GUCY1A2: variants seen among roughly 807,000 people sequenced by gnomAD.
GUCY1A2 encodes the protein guanylate cyclase soluble subunit alpha-2.
A neutral mutation model predicts 63.5 loss-of-function variants in GUCY1A2; 27 were observed. The ratio of observed to expected loss-of-function variants is 0.43; its 90% CI spans 0.31 to 0.59. The LOEUF (loss-of-function observed/expected upper bound fraction) is 0.59. GUCY1A2 is among the 20% of genes least tolerant of loss of function. The pLI is 0.11. For missense variants in GUCY1A2, 768 were observed against 913.3 expected (o/e 0.84, Z 2.05); for synonymous variants, 364 against 343.5 (o/e 1.06, Z -0.66).
intron 2 of GUCY1A2, among the ~76,000 whole-genome samples, chr11:106,981,186 T>C (rs1452635564): frequency 1.3e-5 from 2 of 152,180 alleles, no homozygotes; most frequent in African/African-American, 4.8e-5. Flanking sequence ...CAAAATCTGA[T>C]CATGAAAGCT....
intron 2 of GUCY1A2, among the ~76,000 whole-genome samples, chr11:106,983,243 T>C (rs903510201): frequency 2.0e-5 from 3 of 152,196 alleles, no homozygotes; most frequent in Admixed American, 6.5e-5. Context: ...ATTTATCACA[T>C]TGCATGAATA....
intron 6 of GUCY1A2, among the ~76,000 whole-genome samples, 188 bp from the exon 7 acceptor site, chr11:106,708,854 A>T (rs527310332): frequency 6.6e-6 from 1 of 151,886 alleles, no homozygotes; most frequent in African/African-American, 2.4e-5. Context: ...CTCAAAGAAG[A>T]TAAATGCTAT....
In GUCY1A2 at chr11:106,728,653, A is replaced by T. The variant is rs1027522326; in HGVS notation, c.1837-19987T>A. Among the ~76,000 whole-genome samples the T allele has an allele frequency of 2.6e-5, 4 of 152,192 alleles. No homozygotes were observed. The South Asian group carries it at 8.3e-4, about 31-fold the overall frequency. ...TGCATGCTTAGGCAAAAATATATTT[A>T]CTATATATAACTACTCTGAGATCAC... On this transcript the variant is annotated intron_variant, in intron 6 of 7. Coordinates refer to ENST00000526355, the MANE Select transcript of GUCY1A2 (RefSeq NM_000855.3).
At chr11:106,775,190 TAAGTC>T (rs1324804698) in intron 6 of GUCY1A2, among the ~76,000 whole-genome samples, 6 of 152,164 alleles carry the variant, frequency 3.9e-5, no homozygotes, top group African/African-American at 1.2e-4. Context: ...AATTCTGACT[TAAGTC>T]AGGAAGAATT....
chr11:106,819,285 T>C (rs1272135931), intron 4 of GUCY1A2, among the ~76,000 whole-genome samples: 2 of 152,178 alleles, frequency 1.3e-5, no homozygotes, highest in Non-Finnish European at 2.9e-5. Flanking sequence ...CTAAAATTAG[T>C]TGATAAAGCA....
intron 1 of GUCY1A2, among the ~76,000 whole-genome samples, chr11:107,014,633 CA>C (rs1349521141): frequency 1.3e-5 from 2 of 152,082 alleles, no homozygotes; most frequent in Admixed American, 6.5e-5. Flanking sequence ...TATTAAGCAT[CA>C]AAAACCTGAG....
At chr11:106,705,092 T>C (rs1235368608) in intron 7 of GUCY1A2, among the ~76,000 whole-genome samples, 2 of 152,088 alleles carry the variant, frequency 1.3e-5, no homozygotes, top group Non-Finnish European at 2.9e-5. Context: ...TTTTTTGTAA[T>C]GTCATGTAAA....
At chr11:106,920,764 A>G (rs942472997) in intron 4 of GUCY1A2, among the ~76,000 whole-genome samples, 6 of 152,166 alleles carry the variant, frequency 3.9e-5, no homozygotes, top group African/African-American at 1.4e-4. Context: ...GGTTTCTTTC[A>G]CAGTACTGAA....
chr11:106,776,618 A>C, intron 5 of GUCY1A2, 36 bp from the exon 6 acceptor site: 2 of 1,596,616 alleles, frequency 1.3e-6, no homozygotes, highest in Admixed American at 3.4e-5. Context: ...CAAACGTATG[A>C]TAATGAGCCC....
intron 6 of GUCY1A2, among the ~76,000 whole-genome samples, chr11:106,726,459 A>C: frequency 6.6e-6 from 1 of 152,106 alleles, no homozygotes; most frequent in East Asian, 1.9e-4. Context: ...CAGATCAATA[A>C]GTGTATATAT....
chr11:106,906,575 C>A (rs760513684), intron 4 of GUCY1A2, among the ~76,000 whole-genome samples: 1 of 152,116 alleles, frequency 6.6e-6, no homozygotes, highest in Non-Finnish European at 1.5e-5. Context: ...ACCCAGAAAT[C>A]CGGTTACTGG....
chr11:106,922,431 T>C (rs11211974), intron 4 of GUCY1A2, among the ~76,000 whole-genome samples: 23,084 of 151,322 alleles, frequency 0.15, 2,123 homozygotes, highest in South Asian at 0.28. Flanking sequence ...CACAATTTAA[T>C]AAAAGACAGA....
intron 5 of GUCY1A2, among the ~76,000 whole-genome samples, chr11:106,802,452 A>G (rs532425599): frequency 6.6e-6 from 1 of 152,322 alleles, no homozygotes; most frequent in Non-Finnish European, 1.5e-5. Flanking sequence ...CTTATTAGAT[A>G]CAGGAAATCC....
intron 4 of GUCY1A2, among the ~76,000 whole-genome samples, chr11:106,820,806 C>A (rs1053178977): frequency 3.3e-5 from 5 of 152,114 alleles, no homozygotes; most frequent in Non-Finnish European, 5.9e-5. Context: ...TAACTCAAGG[C>A]TAATTATGCT....
At chr11:106,706,452 C>G (rs1166805713) in intron 7 of GUCY1A2, among the ~76,000 whole-genome samples, 4 of 151,872 alleles carry the variant, frequency 2.6e-5, no homozygotes, top group Non-Finnish European at 4.4e-5. Flanking sequence ...TTCCTCAGAC[C>G]TTGTTAATCA....
chr11:106,876,544 A>G (rs1162663460), intron 4 of GUCY1A2, among the ~76,000 whole-genome samples: 1 of 152,056 alleles, frequency 6.6e-6, no homozygotes, highest in Non-Finnish European at 1.5e-5. Context: ...TCTCTCCACC[A>G]GGCTCTCCTA....
intron 4 of GUCY1A2, among the ~76,000 whole-genome samples, chr11:106,882,908 A>C (rs1221320993): frequency 6.6e-6 from 1 of 152,078 alleles, no homozygotes; most frequent in Non-Finnish European, 1.5e-5. Context: ...CCATGTTAGA[A>C]GTTCCCCAAT....
At chr11:106,769,504 T>TA (rs535923520) in intron 6 of GUCY1A2, among the ~76,000 whole-genome samples, 164 of 152,310 alleles carry the variant, frequency 1.1e-3, no homozygotes, top group Non-Finnish European at 1.9e-3. Flanking sequence ...AAGAGACTCA[T>TA]AACTTTGCTG....
At chr11:106,815,542 G>C (rs546664696) in intron 4 of GUCY1A2, among the ~76,000 whole-genome samples, 1 of 151,340 alleles carries the variant, frequency 6.6e-6, no homozygotes, top group African/African-American at 2.4e-5. Context: ...GCTAAAGAAA[G>C]GTCTTTAAAC....
Sources: allele counts gnomAD v4.1 joint callset (sites outside exome capture counted in the v4.1 genomes callset), GRCh38; gene constraint gnomAD v4.1.1; transcripts MANE v1.5; gene names NCBI Gene and HGNC (gene_info 2026-07-23, HGNC 2026-07-21).